MSRA: variants seen among roughly 807,000 people sequenced by gnomAD.
MSRA encodes methionine sulfoxide reductase A.
Under a neutral mutation model 31.3 loss-of-function variants are expected in MSRA, and 54 were observed. That is an observed-to-expected ratio of 1.73 (90% CI 1.39 to 2.17). MSRA has a LOEUF of 2.17. Among genes scored for constraint, MSRA ranks in the 30% most tolerant of loss-of-function variants. The probability of loss-of-function intolerance (pLI) is 0.00; values close to 1 mark genes in which losing one functional copy is unlikely to be tolerated. For missense variants in MSRA, 507 were observed against 300.9 expected (o/e 1.69, Z -5.07); for synonymous variants, 169 against 116.5 (o/e 1.45, Z -2.90).
At chr8:10,381,019 A>G (rs548466358) in intron 5 of MSRA, among the ~76,000 whole-genome samples, 48 of 152,134 alleles carry the variant, frequency 3.2e-4, no homozygotes, top group African/African-American at 1.1e-3. Context: ...GTTTATGGAT[A>G]GAAAATGGAT....
chr8:10,166,829 C>A (rs965683546), intron 1 of MSRA, among the ~76,000 whole-genome samples: 3 of 152,152 alleles, frequency 2.0e-5, no homozygotes. Flanking sequence ...CATGGACTTA[C>A]CCCAGAATTG....
intron 2 of MSRA, among the ~76,000 whole-genome samples, chr8:10,210,466 A>G (rs1213788397): frequency 6.6e-6 from 1 of 152,196 alleles, no homozygotes; most frequent in Non-Finnish European, 1.5e-5. Flanking sequence ...ATCGATTTGT[A>G]TACTTGCATG....
At chr8:10,375,890 A>C (rs1192836997) in intron 5 of MSRA, among the ~76,000 whole-genome samples, 1 of 152,328 alleles carries the variant, frequency 6.6e-6, no homozygotes, top group East Asian at 1.9e-4. Context: ...CTGGACTGGA[A>C]TTGAGTATTA....
intron 4 of MSRA, among the ~76,000 whole-genome samples, chr8:10,314,841 T>C (rs1459045800): frequency 6.6e-6 from 1 of 152,162 alleles, no homozygotes; most frequent in Non-Finnish European, 1.5e-5. Flanking sequence ...TAATTGTAAG[T>C]GAAAGATTCA....
intron 1 of MSRA, among the ~76,000 whole-genome samples, chr8:10,179,429 G>T (rs1038553329): frequency 6.6e-6 from 1 of 152,136 alleles, no homozygotes; most frequent in South Asian, 2.1e-4. Context: ...TCTGAGAGTC[G>T]ATCATTTATA....
chr8:10,377,613 T>C (rs913961475), intron 5 of MSRA, among the ~76,000 whole-genome samples: 5 of 152,176 alleles, frequency 3.3e-5, no homozygotes, highest in African/African-American at 1.2e-4. Context: ...TAGTGAGATG[T>C]AATACCAAAA....
At chr8:10,087,028 C>T (rs948016246) in intron 1 of MSRA, among the ~76,000 whole-genome samples, 1 of 152,014 alleles carries the variant, frequency 6.6e-6, no homozygotes, top group Admixed American at 6.6e-5. Context: ...TTCTATGACA[C>T]CAGGGAGGCA....
chr8:10,270,818 G>T (rs139125446), intron 3 of MSRA, among the ~76,000 whole-genome samples: 3 of 152,328 alleles, frequency 2.0e-5, no homozygotes, highest in East Asian at 1.9e-4. Flanking sequence ...CAAAAGAAGA[G>T]AGTTATGAAG....
intron 1 of MSRA, among the ~76,000 whole-genome samples, chr8:10,055,767 A>T (rs1743122338): frequency 6.6e-6 from 1 of 152,264 alleles, no homozygotes; most frequent in Admixed American, 6.5e-5. Context: ...GGAGGAGGTC[A>T]TATTGAGAGT....
At chr8:10,301,677 A>G (rs1585408479) in intron 4 of MSRA, 39 bp downstream of exon 4, 1 of 1,509,318 alleles carries the variant, frequency 6.6e-7, no homozygotes, top group African/African-American at 1.4e-5. Flanking sequence ...TTATCTTACT[A>G]ATTACAGCTG....
chr8:10,379,579 C>A (rs928521046), intron 5 of MSRA, among the ~76,000 whole-genome samples: 2 of 152,178 alleles, frequency 1.3e-5, no homozygotes, highest in African/African-American at 2.4e-5. Flanking sequence ...CGCCTTCCCC[C>A]CTCTTCCCCT....
intron 3 of MSRA, among the ~76,000 whole-genome samples, chr8:10,255,687 G>A (rs1343059302): frequency 1.3e-5 from 2 of 152,022 alleles, no homozygotes; most frequent in African/African-American, 2.4e-5. Context: ...AAAATGCTCT[G>A]GGGAACAATC....
chr8:10,232,624 T>C (rs1384971523), intron 2 of MSRA, among the ~76,000 whole-genome samples: 1 of 152,204 alleles, frequency 6.6e-6, no homozygotes, highest in Non-Finnish European at 1.5e-5. Flanking sequence ...TTATGAAAAT[T>C]TGAACTTTCT....
intron 5 of MSRA, 35 bp from the exon 6 acceptor site, chr8:10,428,113 A>T (rs766439179): frequency 6.3e-7 from 1 of 1,598,506 alleles, no homozygotes; most frequent in African/African-American, 1.3e-5. Context: ...TCTCTCTAGC[A>T]TGGGAGCTGA....
intron 3 of MSRA, among the ~76,000 whole-genome samples, chr8:10,258,390 C>T (rs544733587): frequency 6.6e-6 from 1 of 152,304 alleles, no homozygotes; most frequent in African/African-American, 2.4e-5. Flanking sequence ...AAAGCAGGAC[C>T]TGTTATTATG....
chr8:10,128,126 C>T (rs1801633124), intron 1 of MSRA, among the ~76,000 whole-genome samples: 1 of 152,008 alleles, frequency 6.6e-6, no homozygotes, highest in Non-Finnish European at 1.5e-5. Context: ...ACCTGTAATC[C>T]CAGCACTTTG....
intron 1 of MSRA, among the ~76,000 whole-genome samples, chr8:10,070,410 T>G (rs1364342071): frequency 6.6e-6 from 1 of 152,208 alleles, no homozygotes; most frequent in East Asian, 1.9e-4. Context: ...TGACCTGCTA[T>G]TTTTTCAATT....
At chr8:10,059,058 A>T (rs1042090870) in intron 1 of MSRA, 1 of 152,254 alleles carries the variant, frequency 6.6e-6, no homozygotes, top group Non-Finnish European at 1.5e-5. Context: ...AAAAAAGATC[A>T]GAAGTTCTTA....
At chr8:10,293,921 G>C (rs934650205) in intron 3 of MSRA, among the ~76,000 whole-genome samples, 1 of 152,108 alleles carries the variant, frequency 6.6e-6, no homozygotes, top group African/African-American at 2.4e-5. Flanking sequence ...GAATCATCTT[G>C]GGCCAGGCAT....
Sources: gnomAD v4.1 joint callset for allele counts (sites outside exome capture counted in the v4.1 genomes callset) on GRCh38, gnomAD v4.1.1 for gene constraint, MANE v1.5 for transcripts, NCBI Gene and HGNC (gene_info 2026-07-23, HGNC 2026-07-21) for gene names.